DLG2: variants seen among roughly 807,000 people sequenced by gnomAD.
DLG2 encodes discs large MAGUK scaffold protein 2, also known as disks large homolog 2.
DLG2 carries 45 observed loss-of-function variants against 132.5 expected under a neutral mutation model. That is an observed-to-expected ratio of 0.34 (90% CI 0.27 to 0.44). DLG2 has a LOEUF of 0.44. Ranked by LOEUF, DLG2 falls within the 20% of genes least tolerant of loss-of-function variation. DLG2 has a pLI of 1.00. For missense variants in DLG2, 1,045 were observed against 1,196.9 expected (o/e 0.87, Z 1.87); for synonymous variants, 424 against 419.6 (o/e 1.01, Z -0.13).
intron 21 of DLG2, among the ~76,000 whole-genome samples, chr11:83,520,696 T>TAGATAGAC (rs1156300243): frequency 1.9e-4 from 3 of 15,708 alleles, no homozygotes; most frequent in African/African-American, 6.1e-4. Flanking sequence ...AGTAGGTAGG[T>TAGATAGAC]AGATAGATAG....
intron 6 of DLG2, among the ~76,000 whole-genome samples, chr11:84,600,276 C>T (rs192701198): frequency 2.0e-5 from 3 of 151,812 alleles, no homozygotes; most frequent in Non-Finnish European, 2.9e-5. Context: ...GGCGGCAGGC[C>T]GGACACAGGG....
intron 6 of DLG2, among the ~76,000 whole-genome samples, chr11:84,822,380 G>A (rs1448200401): frequency 6.6e-6 from 1 of 151,766 alleles, no homozygotes; most frequent in Non-Finnish European, 1.5e-5. Flanking sequence ...TTTTAAAACA[G>A]ATTAATAGGA....
At chr11:85,021,145 G>A in intron 6 of DLG2, 1 of 826,086 alleles carries the variant, frequency 1.2e-6, no homozygotes, top group East Asian at 2.4e-5. Context: ...AGACTTAGAA[G>A]ATCCCCGCTG....
intron 10 of DLG2, among the ~76,000 whole-genome samples, chr11:84,071,643 T>C (rs1294605937): frequency 6.6e-6 from 1 of 152,184 alleles, no homozygotes; most frequent in Non-Finnish European, 1.5e-5. Flanking sequence ...TCCAGCTTTT[T>C]CCCCTCTATT....
At position 84,336,500 on chromosome 11, in the gene DLG2, C is replaced by CTTCTCTA. The variant is rs765842657; in HGVS notation, c.520-85210_520-85209insTAGAGAA. Among the ~76,000 whole-genome samples, 535 of 152,334 alleles carry CTTCTCTA rather than the reference C, an allele frequency of 3.5e-3. 3 individuals carry two copies. Among genetic ancestry groups the CTTCTCTA allele is most frequent in the Non-Finnish European group, 6.0e-3 (408 of 68,022 alleles). On this transcript the variant is annotated intron_variant, in intron 7 of 27. Coordinates refer to ENST00000376104, the MANE Select transcript of DLG2 (RefSeq NM_001142699.3). ...GTATTCCTCCCTTACTTCCAACTCACAGTTTGGCCTCACTTAGAGATTCCC... is the reference window on the plus strand; with the variant it reads ...GTATTCCTCCCTTACTTCCAACTCACTTCTCTAAGTTTGGCCTCACTTAGAGATTCCC...
intron 6 of DLG2, among the ~76,000 whole-genome samples, chr11:84,809,933 GC>G (rs1397627165): frequency 3.3e-5 from 5 of 151,916 alleles, no homozygotes; most frequent in African/African-American, 1.2e-4. Context: ...TGCCCAATTG[GC>G]TTTTGACAAG....
At chr11:84,438,350 T>C (rs2099007156) in intron 7 of DLG2, among the ~76,000 whole-genome samples, 1 of 152,170 alleles carries the variant, frequency 6.6e-6, no homozygotes, top group Non-Finnish European at 1.5e-5. Context: ...TCATTAGTTG[T>C]ACCTGTAAAA....
chr11:83,702,094 C>A (rs980178371), intron 18 of DLG2, among the ~76,000 whole-genome samples: 1 of 152,132 alleles, frequency 6.6e-6, no homozygotes, highest in African/African-American at 2.4e-5. Flanking sequence ...GGACTTACCC[C>A]CTTTGCAAAC....
chr11:84,954,366 A>C lies in DLG2; in HGVS notation c.357+157295T>G, dbSNP rs530173111. 1.6e-3 allele frequency among the ~76,000 whole-genome samples: 234 copies of C among 145,758 alleles called. 1 individual carries two copies. The highest frequency in any genetic ancestry group is 2.2e-3 in the Non-Finnish European group (142 of 65,704). On this transcript the variant is annotated intron_variant, in intron 6 of 27. Transcript: ENST00000376104. ...CTTAAAGGATAAAAAAAAAAAAAAA[A>C]CCCTCACGTCGACATTAAAGAATGT...
At chr11:83,876,803 T>C (rs1240733598) in intron 15 of DLG2, among the ~76,000 whole-genome samples, 1 of 152,168 alleles carries the variant, frequency 6.6e-6, no homozygotes, top group Non-Finnish European at 1.5e-5. Flanking sequence ...GTTGTATATA[T>C]ATACAGAAAC....
At chr11:84,291,601 G>A (rs181462155) in intron 7 of DLG2, among the ~76,000 whole-genome samples, 10 of 152,144 alleles carry the variant, frequency 6.6e-5, no homozygotes, top group Admixed American at 5.2e-4. Context: ...CTTTATCTCC[G>A]TTTGATTTAT....
chr11:84,826,748 C>A (rs1356484176), intron 6 of DLG2, among the ~76,000 whole-genome samples: 1 of 151,694 alleles, frequency 6.6e-6, no homozygotes, highest in Admixed American at 6.6e-5. Context: ...GCCATGTTTT[C>A]TAACCAGGAC....
intron 15 of DLG2, among the ~76,000 whole-genome samples, chr11:83,900,323 A>T (rs1031396917): frequency 6.6e-6 from 1 of 152,232 alleles, no homozygotes; most frequent in African/African-American, 2.4e-5. Context: ...GTGCATAAGT[A>T]ATGAGGAGCT....
chr11:84,576,098 T>C (rs1400005898), intron 6 of DLG2, among the ~76,000 whole-genome samples: 1 of 152,224 alleles, frequency 6.6e-6, no homozygotes. Flanking sequence ...CTCTAGTCAC[T>C]CTATTTAAAC....
intron 21 of DLG2, among the ~76,000 whole-genome samples, chr11:83,523,362 T>G (rs1178354277): frequency 6.6e-5 from 10 of 152,184 alleles, no homozygotes. Context: ...CAACTCCTAT[T>G]TATATTACTT....
At chr11:85,205,508 GTGTA>G (rs1432417475) in intron 4 of DLG2, among the ~76,000 whole-genome samples, 1 of 152,092 alleles carries the variant, frequency 6.6e-6, no homozygotes, top group African/African-American at 2.4e-5. Flanking sequence ...CTCATTCATT[GTGTA>G]TGTATGTCAG....
intron 6 of DLG2, among the ~76,000 whole-genome samples, chr11:84,930,441 G>T (rs2047952865): frequency 6.6e-6 from 1 of 151,950 alleles, no homozygotes; most frequent in Non-Finnish European, 1.5e-5. Flanking sequence ...ACCTCAAAAA[G>T]GCTCCAACAC....
chr11:85,501,052 T>C (rs1189753993), intron 3 of DLG2, among the ~76,000 whole-genome samples: 1 of 152,142 alleles, frequency 6.6e-6, no homozygotes, highest in Non-Finnish European at 1.5e-5. Flanking sequence ...AACAGCATGG[T>C]ACTGGTACCA....
At chr11:84,002,132 T>A (rs2154047725) in intron 11 of DLG2, among the ~76,000 whole-genome samples, 1 of 152,256 alleles carries the variant, frequency 6.6e-6, no homozygotes, top group South Asian at 2.1e-4. Flanking sequence ...ACATATTGGT[T>A]CTTCAGAAAG....
Sources: gnomAD v4.1 joint callset for allele counts (sites outside exome capture counted in the v4.1 genomes callset) on GRCh38, gnomAD v4.1.1 for gene constraint, MANE v1.5 for transcripts, NCBI Gene and HGNC (gene_info 2026-07-23, HGNC 2026-07-21) for gene names.